TFAP2B: variants seen among roughly 807,000 people sequenced by gnomAD.
The protein encoded by TFAP2B is transcription factor AP-2 beta.
In TFAP2B, 9 loss-of-function variants were observed where a neutral mutation model predicts 44.3. The ratio of observed to expected loss-of-function variants is 0.20; its 90% CI spans 0.12 to 0.35. TFAP2B has a LOEUF of 0.35. TFAP2B is among the 10% of genes least tolerant of loss of function. The probability of loss-of-function intolerance (pLI) is 1.00; values close to 1 mark genes in which losing one functional copy is unlikely to be tolerated. For synonymous variants in TFAP2B, 270 were observed against 263.8 expected, an observed-to-expected ratio of 1.02 and a Z score of -0.23; for missense variants, 509 against 600.0, an observed-to-expected ratio of 0.85 and a Z score of 1.59.
At chr6:50,842,969 C>T (rs368933324) in intron 6 of TFAP2B, 123 bp from the exon 7 acceptor site, 15 of 1,302,374 alleles carry the variant, frequency 1.2e-5, no homozygotes, top group African/African-American at 1.0e-4. Flanking sequence ...AGAGCGGAAT[C>T]GCCCACATTA....
chr6:50,819,024 A>G (rs1457265505), intron 1 of TFAP2B, 52 bp downstream of exon 1: 3 of 1,515,550 alleles, frequency 2.0e-6, no homozygotes, highest in South Asian at 2.2e-5. Flanking sequence ...AGAGAATTTG[A>G]GCTTCTTGAT....
chr6:50,843,157 C>A lies in TFAP2B; in HGVS notation c.1148C>A (p.Pro383His). ...CGGACACCGATAGGGAACAGCCGACCCAGCCCCATCCTGGAGCCGGGGATC... is the reference window on the plus strand; with the variant it reads ...CGGACACCGATAGGGAACAGCCGACACAGCCCCATCCTGGAGCCGGGGATC... ...QDRTPIGNSR[P>H]SPILEPGIQS... Residue 383 changes from proline (P) to histidine (H), a missense_variant, in exon 7 of 7, where the codon CCC becomes CAC. By Grantham distance (77) the Pro-to-His change is moderately conservative (BLOSUM62 -2). Around this residue, in one of 3 missense-constraint regions of TFAP2B, gnomAD observed 168 missense variants for 183.2 expected, o/e 0.92. Coordinates refer to ENST00000393655, the MANE Select transcript of TFAP2B (RefSeq NM_003221.4). 1 of 1,614,226 alleles carries A rather than the reference C, an allele frequency of 6.2e-7. No individual in the cohort carries two copies. Among genetic ancestry groups the A allele is most frequent in the Non-Finnish European group, 8.5e-7 (1 of 1,180,044 alleles).
upstream of TFAP2B, chr6:50,818,617 G>T (rs1289515859): frequency 2.3e-6 from 1 of 438,156 alleles, no homozygotes; most frequent in Middle Eastern, 6.3e-4. Flanking sequence ...TGACCCAGAG[G>T]TGCTTATATA....
chr6:50,821,981 G>C, intron 1 of TFAP2B: 1 of 312,498 alleles, frequency 3.2e-6, no homozygotes, highest in Non-Finnish European at 5.8e-6. Flanking sequence ...TGGGGTGGGG[G>C]GCGGGTGTAA....
Position 50,836,153 on chromosome 6 carries a change from T to G in TFAP2B, c.694T>G (p.Ser232Ala). 1 of 1,614,174 alleles carries G rather than the reference T, an allele frequency of 6.2e-7. No homozygotes were observed. Among genetic ancestry groups the G allele is most frequent in the Non-Finnish European group, 8.5e-7 (1 of 1,180,042 alleles). Residue 232 changes from serine (S) to alanine (A), a missense_variant, in exon 4 of 7, where the codon TCC becomes GCC. Transcript: ENST00000393655. Reference protein sequence around the residue: ...MSVNTGEVFCSVPGRLSLLSS... With the variant: ...MSVNTGEVFCAVPGRLSLLSS... ...TGTCAACACCGGCGAGGTGTTTTGC[T>G]CCGTCCCAGGCCGTTTGTCTCTGCT...
In TFAP2B at chr6:50,843,544, ATAACT is replaced by A. The variant is rs1762779002; in HGVS notation, c.*156_*160del. The A allele has an allele frequency of 3.5e-6, 3 of 865,592 alleles. No homozygotes were observed. Among genetic ancestry groups the A allele is most frequent in the Non-Finnish European group, 5.2e-6 (3 of 577,050 alleles). The allele number at this position is 865,592 out of a possible 1,614,324, so 53.6% of individuals were successfully genotyped here. A position where few individuals can be genotyped will look rare whatever the true frequency, so the allele number is the denominator to read the frequency against. On this transcript the variant is annotated 3_prime_UTR_variant, in exon 7 of 7. Transcript: ENST00000393655. ...TCAAAATTTTAAAAAAAAAAGCTAA[ATAACT>A]TAAAAAAAAACTGAGGCGTACAACG...
intron 4 of TFAP2B, among the ~76,000 whole-genome samples, chr6:50,836,667 C>G (rs2817398): frequency 1.3e-5 from 2 of 152,254 alleles, no homozygotes; most frequent in Non-Finnish European, 2.9e-5. Context: ...CCAGCCCCCC[C>G]ACAAAAAACC....
intron 4 of TFAP2B, among the ~76,000 whole-genome samples, chr6:50,837,212 T>C (rs1762640878): frequency 6.6e-6 from 1 of 152,188 alleles, no homozygotes; most frequent in African/African-American, 2.4e-5. Flanking sequence ...CTTTAGCACA[T>C]ACAAGGAGAA....
upstream of TFAP2B, among the ~76,000 whole-genome samples, chr6:50,818,539 TG>T (rs1158353062): frequency 6.6e-6 from 1 of 152,202 alleles, no homozygotes; most frequent in Non-Finnish European, 1.5e-5. Context: ...AGTTATAAAA[TG>T]TATATATTAT....
intron 3 of TFAP2B, among the ~76,000 whole-genome samples, chr6:50,829,490 A>C (rs1561961403): frequency 6.6e-6 from 1 of 152,200 alleles, no homozygotes; most frequent in Non-Finnish European, 1.5e-5. Context: ...CCTGAATGTC[A>C]CTCAAATGCC....
chr6:50,831,137 C>T (rs182064272), intron 3 of TFAP2B, among the ~76,000 whole-genome samples: 104 of 152,234 alleles, frequency 6.8e-4, no homozygotes, highest in African/African-American at 2.4e-3. Flanking sequence ...AATTTTTCAC[C>T]TGTGTTTATG....
intron 6 of TFAP2B, among the ~76,000 whole-genome samples, 173 bp downstream of exon 6, chr6:50,840,470 A>C (rs1275024516): frequency 6.6e-6 from 1 of 152,200 alleles, no homozygotes; most frequent in Non-Finnish European, 1.5e-5. Flanking sequence ...GGTTTGTCTC[A>C]GGTGTCCTCT....
rs563366794 is a variant in TFAP2B, at chr6:50,819,339, G to A, written c.81+367G>A. Among the ~76,000 whole-genome samples, 145 of 149,860 alleles carry A rather than the reference G, an allele frequency of 9.7e-4. 1 individual carries two copies. The highest frequency in any genetic ancestry group is 3.3e-3 in the African/African-American group (135 of 40,604). ...TCTGATAAAGTCAGGGGCTTTTCTC[G>A]TTTTAAGTGTGGAAGAGAATTGGGT... is the stretch of plus-strand genomic sequence containing the variant. On this transcript the variant is annotated intron_variant, in intron 1 of 6. Transcript: ENST00000393655.
In TFAP2B at chr6:50,836,275, C is replaced by T. The variant is rs1385129089; in HGVS notation, c.816C>T (p.Leu272=). 4.3e-6 allele frequency: 7 copies of T among 1,611,356 alleles called. No homozygotes were observed. The East Asian group carries it at 1.6e-4, about 36-fold the overall frequency. The change falls in exon 4 of 7, where the codon CTC becomes CTT. Residue 272 remains leucine (L), a synonymous_variant. Transcript: ENST00000393655. ...ATGCATCTCTCCTCGGCGGAGTCCT[C>T]AGAAGGTAACCCCACCACGAAAAAC... is the stretch of plus-strand genomic sequence containing the variant. ...CLNASLLGGV[L]RRAKSKNGGR... is the part of the protein sequence containing the mutation.
rs1762833291 is a variant in TFAP2B at position 50,845,761 on chromosome 6, G to T, written c.*2369G>T. On this transcript the variant is annotated 3_prime_UTR_variant, in exon 7 of 7. Coordinates refer to ENST00000393655, the MANE Select transcript of TFAP2B (RefSeq NM_003221.4). ...GCGATGGACGCGCCTTGCTCTTACTGTGCAGGTCCTGAGAGCGTGTGGGCC... is the reference window on the plus strand; with the variant it reads ...GCGATGGACGCGCCTTGCTCTTACTTTGCAGGTCCTGAGAGCGTGTGGGCC... The T allele has an allele frequency of 6.5e-6, 1 of 152,724 alleles. No homozygotes were observed. Among genetic ancestry groups the T allele is most frequent in the Admixed American group, 6.5e-5 (1 of 15,292 alleles). 9.5% of individuals were successfully genotyped at this position (152,724 alleles called of 1,614,324 possible).
intron 3 of TFAP2B, chr6:50,830,304 A>T (rs1770639098): frequency 1.0e-6 from 1 of 985,088 alleles, no homozygotes; most frequent in Non-Finnish European, 1.2e-6. Flanking sequence ...TAGCCAGTCC[A>T]ATAAAAATAT....
At chr6:50,824,461 T>C (rs778075634) in intron 2 of TFAP2B, among the ~76,000 whole-genome samples, 1 of 152,216 alleles carries the variant, frequency 6.6e-6, no homozygotes, top group Non-Finnish European at 1.5e-5. Flanking sequence ...TTCCAAGAGA[T>C]AGTTGCAGTC....
Position 50,843,401 on chromosome 6 carries a change from TAAAA to T in TFAP2B, c.*13_*16del, listed in dbSNP as rs747434951. 114 of 1,609,772 alleles carry T rather than the reference TAAAA, an allele frequency of 7.1e-5. No homozygotes were observed. The highest frequency in any genetic ancestry group is 9.7e-5 in the Non-Finnish European group (114 of 1,178,976). Reference sequence around the variant, plus strand: ...AGAAACACAGGAAATGAAAAATTTTTAAAAAAAGAAGGAAAAATGTTTTAAATAC... The same window carrying T: ...AGAAACACAGGAAATGAAAAATTTTTAAAGAAGGAAAAATGTTTTAAATAC... On this transcript the variant is annotated 3_prime_UTR_variant, in exon 7 of 7. Coordinates refer to ENST00000393655, the MANE Select transcript of TFAP2B (RefSeq NM_003221.4).
intron 3 of TFAP2B, among the ~76,000 whole-genome samples, chr6:50,830,041 A>G (rs1294346763): frequency 1.3e-5 from 2 of 152,096 alleles, no homozygotes; most frequent in Non-Finnish European, 1.5e-5. Flanking sequence ...CTCGGTGCTT[A>G]AATTTGCAAC....
Sources: gnomAD v4.1 joint callset for allele counts (sites outside exome capture counted in the v4.1 genomes callset) on GRCh38, gnomAD v4.1.1 for gene constraint, gnomAD v4.1.1 regional missense constraint, MANE v1.5 for transcripts, NCBI Gene and HGNC (gene_info 2026-07-23, HGNC 2026-07-21) for gene names.